Variants in CDC45 observed in about 807,000 individuals in gnomAD.
CDC45 encodes the protein cell division cycle 45.
A neutral mutation model predicts 77.8 loss-of-function variants in CDC45; 54 were observed. The ratio of observed to expected loss-of-function variants is 0.69; its 90% confidence interval spans 0.56 to 0.87. The LOEUF (loss-of-function observed/expected upper bound fraction) is 0.87. Among genes scored for constraint, CDC45 ranks in the 40% least tolerant of loss-of-function variants. The pLI, the probability that CDC45 is intolerant of heterozygous loss-of-function variation, is 0.00. For missense variants in CDC45, 649 were observed against 721.6 expected (o/e 0.90, Z 1.15); for synonymous variants, 260 against 272.1 (o/e 0.96, Z 0.44).
intron 5 of CDC45, among the ~76,000 whole-genome samples, chr22:19,488,540 G>A (rs921764633): frequency 3.3e-5 from 5 of 152,130 alleles, no homozygotes; most frequent in Non-Finnish European, 4.4e-5. Flanking sequence ...TGGCTCTCCC[G>A]ACCAGCCTTG....
At chr22:19,515,945 C>A (rs775021720) in intron 15 of CDC45, among the ~76,000 whole-genome samples, 26 of 152,238 alleles carry the variant, frequency 1.7e-4, no homozygotes, top group Non-Finnish European at 2.8e-4. Context: ...TCCTGGGACA[C>A]CCCTCAGTCC....
intron 9 of CDC45, among the ~76,000 whole-genome samples, chr22:19,504,867 C>T (rs5993658): frequency 2.0e-5 from 3 of 152,148 alleles, no homozygotes; most frequent in Non-Finnish European, 4.4e-5. Flanking sequence ...GTGACAGGGT[C>T]TACATGCTTC....
intron 7 of CDC45, among the ~76,000 whole-genome samples, 180 bp downstream of exon 7, chr22:19,496,209 C>T (rs1222156549): frequency 2.6e-5 from 4 of 152,200 alleles, no homozygotes; most frequent in African/African-American, 9.6e-5. Context: ...TAAACATCTC[C>T]TCCTCTGTAA....
At chr22:19,498,081 G>C (rs960101122) in intron 8 of CDC45, among the ~76,000 whole-genome samples, 2 of 152,150 alleles carry the variant, frequency 1.3e-5, no homozygotes, top group Non-Finnish European at 2.9e-5. Context: ...GGCTGAGGTA[G>C]GAGAATCGCT....
At chr22:19,514,627 G>T in intron 13 of CDC45, 122 bp from the exon 14 acceptor site, 1 of 760,600 alleles carries the variant, frequency 1.3e-6, no homozygotes, top group South Asian at 1.9e-5. Flanking sequence ...AGGGAAAGAA[G>T]ATAAATTCTT....
Position 19,482,762 on chromosome 22 carries a change from A to C in CDC45, c.277A>C (p.Thr93Pro). 1.2e-6 allele frequency: 2 copies of C among 1,611,090 alleles called. No individual in the cohort carries two copies. The highest frequency in any genetic ancestry group is 1.7e-6 in the Non-Finnish European group (2 of 1,177,226). ...LLDILQPDED[T>P]IFFVCDTHRP... ...GGATATTCTTCAACCTGATGAAGAC[A>C]CTATATTCTTTGTGTGTGACACCCA... The change falls in exon 4 of 19, where the codon ACT becomes CCT. Residue 93 changes from threonine (T) to proline (P), a missense_variant. By Grantham distance (38) the Thr-to-Pro change is conservative (BLOSUM62 -1). Transcript: ENST00000263201.
chr22:19,489,869 A>G (rs1169778993), intron 5 of CDC45, among the ~76,000 whole-genome samples: 1 of 152,222 alleles, frequency 6.6e-6, no homozygotes, highest in African/African-American at 2.4e-5. Flanking sequence ...AACTCTTCAG[A>G]AAGGGACATT....
chr22:19,480,872 G>C (rs557568296), intron 2 of CDC45, 81 bp from the exon 3 acceptor site: 72 of 872,864 alleles, frequency 8.2e-5, no homozygotes, highest in Non-Finnish European at 1.3e-4. Context: ...CTCTCAACCC[G>C]TCTAATCTTC....
chr22:19,495,156 G>A (rs2090220439), intron 6 of CDC45, among the ~76,000 whole-genome samples: 1 of 152,190 alleles, frequency 6.6e-6, no homozygotes, highest in Non-Finnish European at 1.5e-5. Context: ...GAGATTCTGG[G>A]TTTGGGTTTC....
At chr22:19,487,337 C>T (rs2090086169) in intron 5 of CDC45, among the ~76,000 whole-genome samples, 1 of 141,702 alleles carries the variant, frequency 7.1e-6, no homozygotes, top group Non-Finnish European at 1.5e-5. Context: ...GACTGGACAA[C>T]ATAGCAAGAC....
chr22:19,517,839 G>T (rs1933883452), intron 17 of CDC45, among the ~76,000 whole-genome samples: 1 of 152,204 alleles, frequency 6.6e-6, no homozygotes. Context: ...CTAAGGTCCT[G>T]GGGGTAAGGG....
Position 19,483,917 on chromosome 22 carries a change from TC to T in CDC45, c.399del (p.Phe134SerfsTer27). ...DDLEVPAYED[I>X]FRDEEEDEEH... ...CTTGAAGTTCCCGCCTATGAAGACATCTTCAGGGATGAAGAGGAGGATGAAG... is the reference window on the plus strand; with the variant it reads ...CTTGAAGTTCCCGCCTATGAAGACATTTCAGGGATGAAGAGGAGGATGAAG... On this transcript the variant is annotated frameshift_variant, in exon 5 of 19. Coordinates refer to ENST00000263201, the MANE Select transcript of CDC45 (RefSeq NM_003504.5). LOFTEE classifies it high-confidence loss of function. 1 of 1,613,656 alleles carries T rather than the reference TC, an allele frequency of 6.2e-7. No homozygotes were observed. Among genetic ancestry groups the T allele is most frequent in the Non-Finnish European group, 8.5e-7 (1 of 1,179,832 alleles).
At chr22:19,515,633 C>T (rs974442523) in intron 15 of CDC45, among the ~76,000 whole-genome samples, 5 of 152,134 alleles carry the variant, frequency 3.3e-5, no homozygotes, top group Middle Eastern at 3.2e-3. Flanking sequence ...TTTCTTTTGC[C>T]GCTGAACTAA....
At chr22:19,505,266 C>T (rs971912096) in intron 9 of CDC45, 96 bp from the exon 10 acceptor site, 2 of 1,469,386 alleles carry the variant, frequency 1.4e-6, no homozygotes, top group Non-Finnish European at 1.9e-6. Context: ...GAGCAGGCCC[C>T]TGAGGAAGGC....
intron 8 of CDC45, among the ~76,000 whole-genome samples, chr22:19,498,359 C>T (rs1418323644): frequency 6.6e-6 from 1 of 152,220 alleles, no homozygotes; most frequent in Non-Finnish European, 1.5e-5. Flanking sequence ...GCTAGGCATC[C>T]TTGCAGTCCT....
intron 8 of CDC45, among the ~76,000 whole-genome samples, chr22:19,497,694 CT>C (rs1305536225): frequency 8.5e-5 from 13 of 152,250 alleles, no homozygotes; most frequent in African/African-American, 2.9e-4. Context: ...ACAGCTTCAC[CT>C]TCCCCACTCC....
chr22:19,486,469 A>C (rs2090069105), intron 5 of CDC45, among the ~76,000 whole-genome samples: 1 of 151,922 alleles, frequency 6.6e-6, no homozygotes, highest in African/African-American at 2.4e-5. Context: ...TTTTGTTTTT[A>C]ATGACATTGA....
At chr22:19,493,234 T>TTTG (rs59007826) in intron 5 of CDC45, among the ~76,000 whole-genome samples, 59,112 of 135,562 alleles carry the variant, frequency 0.44, 14,142 homozygotes, top group South Asian at 0.6. Flanking sequence ...TGGGTTTTTT[T>TTTG]TTTTGTTGTT....
chr22:19,518,006 A>G (rs1431087224), intron 17 of CDC45, among the ~76,000 whole-genome samples: 1 of 152,246 alleles, frequency 6.6e-6, no homozygotes, highest in Non-Finnish European at 1.5e-5. Context: ...AAGTGGCGTC[A>G]GCCATCTCAG....
Sources: gnomAD v4.1 joint callset for allele counts (sites outside exome capture counted in the v4.1 genomes callset) on GRCh38, gnomAD v4.1.1 for gene constraint, MANE v1.5 for transcripts, NCBI Gene and HGNC (gene_info 2026-07-23, HGNC 2026-07-21) for gene names.